DLGAP1: variants seen among roughly 807,000 people sequenced by gnomAD.
DLGAP1 encodes the protein disks large-associated protein 1.
In DLGAP1, 11 loss-of-function variants were observed where a neutral mutation model predicts 90.8. The ratio of observed to expected loss-of-function variants is 0.12; its 90% CI spans 0.08 to 0.20. DLGAP1 has a LOEUF of 0.20. Ranked by LOEUF, DLGAP1 falls within the 10% of genes least tolerant of loss-of-function variation. The probability of loss-of-function intolerance (pLI) is 1.00; values close to 1 mark genes in which losing one functional copy is unlikely to be tolerated. For missense variants in DLGAP1, 1,050 were observed against 1,333.8 expected (o/e 0.79, Z 3.31); for synonymous variants, 558 against 540.7 (o/e 1.03, Z -0.44).
At chr18:3,567,729 T>C in intron 8 of DLGAP1, 148 bp from the exon 9 acceptor site, 1 of 675,850 alleles carries the variant, frequency 1.5e-6, no homozygotes, top group Non-Finnish European at 2.5e-6. Context: ...GTACACTACC[T>C]TCACTGCACG....
intron 3 of DLGAP1, among the ~76,000 whole-genome samples, chr18:3,926,226 C>T (rs968938863): frequency 1.3e-5 from 2 of 152,182 alleles, no homozygotes; most frequent in African/African-American, 2.4e-5. Context: ...GTTGTGGAGG[C>T]TGTCCTGTGT....
rs568941697 is a variant in DLGAP1 at position 4,014,629 on chromosome 18, T to C, written c.-158-9428A>G. On this transcript the variant is annotated intron_variant, in intron 2 of 12. Transcript: ENST00000315677. ...ATTACTCTGATTTGATCATTACACA[T>C]TGTATGCAGGTATCAAAATATCACA... is the stretch of plus-strand genomic sequence containing the variant. Among the ~76,000 whole-genome samples, 27 of 152,312 alleles carry C rather than the reference T, an allele frequency of 1.8e-4. No homozygotes were observed. The South Asian group carries it at 2.1e-3, about 12-fold the overall frequency.
intron 3 of DLGAP1, among the ~76,000 whole-genome samples, chr18:3,943,226 AAGG>A (rs1178779469): frequency 6.6e-6 from 1 of 152,130 alleles, no homozygotes; most frequent in Non-Finnish European, 1.5e-5. Context: ...TCCATGGATC[AAGG>A]AGGTTAAATT....
rs910729962 is a variant in DLGAP1 at position 3,661,691 on chromosome 18, C to T, written c.1591+67444G>A. Among the ~76,000 whole-genome samples the T allele has an allele frequency of 1.3e-5, 2 of 151,746 alleles. 1 individual carries two copies. The highest frequency in any genetic ancestry group is 1.3e-4 in the Admixed American group (2 of 15,230). On this transcript the variant is annotated intron_variant, in intron 7 of 12. Transcript: ENST00000315677. The stretch of plus-strand genomic sequence containing the variant: ...TCCTGGGTTCAAGCAATTCTCATGC[C>T]TCAGCCTCCCACGTAGCTGGGATTA...
chr18:4,165,355 A>G (rs2076916264), intron 1 of DLGAP1, among the ~76,000 whole-genome samples: 1 of 152,214 alleles, frequency 6.6e-6, no homozygotes, highest in African/African-American at 2.4e-5. Context: ...AATGTTGTCA[A>G]CAGCAAATTC....
At chr18:3,529,789 T>C (rs112286131) in intron 10 of DLGAP1, among the ~76,000 whole-genome samples, 1 of 152,164 alleles carries the variant, frequency 6.6e-6, no homozygotes, top group African/African-American at 2.4e-5. Flanking sequence ...GAACAACAGA[T>C]GGTTGGGCAG....
At chr18:4,339,676 A>G (rs1243903541) in intron 1 of DLGAP1, among the ~76,000 whole-genome samples, 1 of 152,080 alleles carries the variant, frequency 6.6e-6, no homozygotes, top group East Asian at 1.9e-4. Flanking sequence ...CTTACTTAAA[A>G]TTTCTCTGAA....
intron 7 of DLGAP1, among the ~76,000 whole-genome samples, chr18:3,638,015 T>C (rs1164192548): frequency 1.1e-4 from 17 of 148,434 alleles, no homozygotes; most frequent in African/African-American, 4.3e-4. Flanking sequence ...GGCATGATCT[T>C]GGCTCACTGC....
intron 7 of DLGAP1, among the ~76,000 whole-genome samples, chr18:3,602,510 G>A (rs887611808): frequency 3.6e-4 from 54 of 150,680 alleles, no homozygotes; most frequent in East Asian, 3.1e-3. Context: ...CAGGAGAATG[G>A]CGTGAACCCG....
At chr18:3,798,250 A>C (rs535077376) in intron 5 of DLGAP1, among the ~76,000 whole-genome samples, 1 of 152,316 alleles carries the variant, frequency 6.6e-6, no homozygotes, top group South Asian at 2.1e-4. Flanking sequence ...CTTCCAACAG[A>C]GGAGAGGAGT....
At chr18:4,439,679 C>A (rs2083483106) in intron 1 of DLGAP1, among the ~76,000 whole-genome samples, 1 of 151,008 alleles carries the variant, frequency 6.6e-6, no homozygotes, top group African/African-American at 2.4e-5. Context: ...CATGGTGGCA[C>A]ACACCTGTAG....
At chr18:4,105,759 G>A (rs1007388180) in intron 2 of DLGAP1, among the ~76,000 whole-genome samples, 6 of 152,096 alleles carry the variant, frequency 3.9e-5, no homozygotes, top group South Asian at 2.1e-4. Context: ...GGCCGGGCGC[G>A]GTGGCTCACG....
At chr18:3,815,341 G>A (rs1342877057) in intron 4 of DLGAP1, among the ~76,000 whole-genome samples, 1 of 152,126 alleles carries the variant, frequency 6.6e-6, no homozygotes, top group African/African-American at 2.4e-5. Flanking sequence ...CTCTCTAAAG[G>A]TTTCCAATGA....
At chr18:3,755,451 T>G (rs1424252829) in intron 5 of DLGAP1, among the ~76,000 whole-genome samples, 1 of 151,114 alleles carries the variant, frequency 6.6e-6, no homozygotes, top group Non-Finnish European at 1.5e-5. Flanking sequence ...AAATATAGCA[T>G]GCAAAAAACA....
chr18:3,592,225 A>C (rs1239991626), intron 7 of DLGAP1, among the ~76,000 whole-genome samples: 1 of 152,238 alleles, frequency 6.6e-6, no homozygotes, highest in Non-Finnish European at 1.5e-5. Flanking sequence ...AGCAGCTGGC[A>C]CTGATGAGGA....
chr18:4,444,359 T>A (rs1356615019), intron 1 of DLGAP1, among the ~76,000 whole-genome samples: 1 of 152,238 alleles, frequency 6.6e-6, no homozygotes, highest in Non-Finnish European at 1.5e-5. Context: ...CACAATTAAA[T>A]CTTCCTTGGG....
At chr18:3,610,472 C>T (rs1439389131) in intron 7 of DLGAP1, among the ~76,000 whole-genome samples, 3 of 152,162 alleles carry the variant, frequency 2.0e-5, no homozygotes, top group Non-Finnish European at 4.4e-5. Flanking sequence ...CTTCCCTCTC[C>T]CCTCCCTGCC....
intron 7 of DLGAP1, among the ~76,000 whole-genome samples, chr18:3,697,936 T>C (rs1019487917): frequency 6.6e-6 from 1 of 152,238 alleles, no homozygotes; most frequent in East Asian, 1.9e-4. Flanking sequence ...AACCATTATG[T>C]AATGCCCTTC....
At position 4,032,470 on chromosome 18, in the gene DLGAP1, C is replaced by A. The variant is rs367585914; in HGVS notation, c.-158-27269G>T. Among the ~76,000 whole-genome samples, 106 of 152,220 alleles carry A rather than the reference C, an allele frequency of 7.0e-4. 1 individual carries two copies. In the South Asian group the frequency reaches 0.021, roughly 30 times the overall value. ...AGAAAAATAAGAAAACAAGACATAA[C>A]AAAGCTAAGTCCAGGTTTCTTTGTC... On this transcript the variant is annotated intron_variant, in intron 2 of 12. Transcript: ENST00000315677.
Sources: gnomAD v4.1 joint callset for allele counts (sites outside exome capture counted in the v4.1 genomes callset) on GRCh38, gnomAD v4.1.1 for gene constraint, MANE v1.5 for transcripts, NCBI Gene and HGNC (gene_info 2026-07-23, HGNC 2026-07-21) for gene names.